Variants in EDEM1 observed in about 807,000 individuals in gnomAD.
EDEM1 encodes the protein ER degradation enhancing alpha-mannosidase like protein 1.
A neutral mutation model predicts 74.4 loss-of-function variants in EDEM1; 67 were observed. The ratio of observed to expected loss-of-function variants is 0.90; its 90% CI spans 0.74 to 1.10. The LOEUF is 1.10. Ranked by LOEUF, EDEM1 falls within the 50% of genes least tolerant of loss-of-function variation. EDEM1 has a pLI of 0.00. For missense variants in EDEM1, 926 were observed against 851.6 expected, an observed-to-expected ratio of 1.09 and a Z score of -1.09; for synonymous variants, 382 against 335.9, an observed-to-expected ratio of 1.14 and a Z score of -1.50.
rs1362214255 is a variant in EDEM1, at chr3:5,203,103, A to G, written c.996A>G (p.Ala332=). 1 of 1,609,116 alleles carries G rather than the reference A, an allele frequency of 6.2e-7. No homozygotes were observed. Among genetic ancestry groups the G allele is most frequent in the Non-Finnish European group, 8.5e-7 (1 of 1,177,892 alleles). The change falls in exon 5 of 12, where the codon GCA becomes GCG. Residue 332 remains alanine, a synonymous_variant. Coordinates refer to ENST00000256497, the MANE Select transcript of EDEM1 (RefSeq NM_014674.3). ...DSTFEWVARR[A]VKALWNLRSN... is the part of the protein sequence containing the mutation. ...CATTTGAGTGGGTGGCCAGACGAGCAGTGAAAGCCCTTTGGAACCTCCGGA... is the reference window on the plus strand; with the variant it reads ...CATTTGAGTGGGTGGCCAGACGAGCGGTGAAAGCCCTTTGGAACCTCCGGA...
At chr3:5,206,978 C>G (rs975001364) in intron 6 of EDEM1, among the ~76,000 whole-genome samples, 175 bp from the exon 7 acceptor site, 5 of 152,204 alleles carry the variant, frequency 3.3e-5, no homozygotes, top group Non-Finnish European at 4.4e-5. Flanking sequence ...TTATCTTCTG[C>G]TAGAGTCTAA....
chr3:5,202,860 C>T (rs1217349677), intron 4 of EDEM1, 106 bp from the exon 5 acceptor site: 7 of 944,506 alleles, frequency 7.4e-6, no homozygotes, highest in South Asian at 3.2e-5. Context: ...AGACTCTCAC[C>T]GTGGTAAGCT....
At position 5,219,731 on chromosome 3, in the gene EDEM1, G is replaced by T. The variant is rs2055290807; in HGVS notation, c.*3813G>T. On this transcript the variant is annotated 3_prime_UTR_variant, in exon 12 of 12. Coordinates refer to ENST00000256497, the MANE Select transcript of EDEM1 (RefSeq NM_014674.3). ...AAAAGTATAGAGTTGGAAACTCTGG[G>T]AAAACTTACGGAAATACACAAATGC... 1 of 152,600 alleles carries T rather than the reference G, an allele frequency of 6.6e-6. No homozygotes were observed. The allele number at this position is 152,600 out of a possible 1,614,324, so 9.5% of individuals were successfully genotyped here. A position where few individuals can be genotyped will look rare whatever the true frequency, so the allele number is the denominator to read the frequency against.
chr3:5,201,689 AATTGG>A, intron 3 of EDEM1, 59 bp from the exon 4 acceptor site: 1 of 1,583,892 alleles, frequency 6.3e-7, no homozygotes, highest in Non-Finnish European at 8.6e-7. Flanking sequence ...TATCTTTCTG[AATTGG>A]ATTATGTGCA....
chr3:5,198,838 C>G (rs1372968133), intron 2 of EDEM1, among the ~76,000 whole-genome samples: 1 of 151,988 alleles, frequency 6.6e-6, no homozygotes, highest in Non-Finnish European at 1.5e-5. Context: ...ATTATAGTCT[C>G]AGGGTTGTCA....
chr3:5,199,940 CTTT>C (rs746855500), intron 3 of EDEM1, among the ~76,000 whole-genome samples: 5 of 135,364 alleles, frequency 3.7e-5, no homozygotes, highest in Non-Finnish European at 4.8e-5. Flanking sequence ...AGATTAAACT[CTTT>C]TTTTTTTTTT....
intron 3 of EDEM1, among the ~76,000 whole-genome samples, 189 bp from the exon 4 acceptor site, chr3:5,201,564 G>A (rs1285070618): frequency 2.0e-5 from 3 of 152,084 alleles, no homozygotes; most frequent in Non-Finnish European, 4.4e-5. Context: ...TTAGTAATAT[G>A]GTTAACAAAA....
intron 1 of EDEM1, among the ~76,000 whole-genome samples, chr3:5,191,778 A>G (rs2054905172): frequency 6.6e-6 from 1 of 152,188 alleles, no homozygotes; most frequent in African/African-American, 2.4e-5. Flanking sequence ...CTCTAAAAAG[A>G]GCAGATCTGT....
At chr3:5,211,082 G>A in intron 9 of EDEM1, 38 bp from the exon 10 acceptor site, 1 of 1,587,830 alleles carries the variant, frequency 6.3e-7, no homozygotes, top group Non-Finnish European at 8.6e-7. Flanking sequence ...CAGGTGGGAA[G>A]GAAGAGAGGC....
At chr3:5,195,649 G>T (rs1284369111) in intron 2 of EDEM1, among the ~76,000 whole-genome samples, 2 of 152,284 alleles carry the variant, frequency 1.3e-5, no homozygotes, top group Non-Finnish European at 1.5e-5. Context: ...GGGTTGGCAG[G>T]TACCCTGAAA....
intron 1 of EDEM1, among the ~76,000 whole-genome samples, chr3:5,193,815 C>T (rs1049602963): frequency 4.6e-5 from 7 of 152,334 alleles, no homozygotes; most frequent in African/African-American, 1.4e-4. Flanking sequence ...CCAGGCTGGT[C>T]TTGAACTCCT....
At chr3:5,208,888 GGTATTTATACTTCTGT>G (rs1295024763) in intron 8 of EDEM1, among the ~76,000 whole-genome samples, 1 of 152,036 alleles carries the variant, frequency 6.6e-6, no homozygotes, top group Admixed American at 6.6e-5. Context: ...GTTGAAGCCA[GGTATTTATACTTCTGT>G]GTATGCCATA....
intron 8 of EDEM1, among the ~76,000 whole-genome samples, chr3:5,208,666 A>T (rs557750503): frequency 6.6e-6 from 1 of 152,200 alleles, no homozygotes; most frequent in South Asian, 2.1e-4. Flanking sequence ...TCAGACAAAA[A>T]GAAAATTCAT....
At chr3:5,209,954 C>T (rs2055148672) in intron 8 of EDEM1, among the ~76,000 whole-genome samples, 1 of 152,242 alleles carries the variant, frequency 6.6e-6, no homozygotes, top group South Asian at 2.1e-4. Flanking sequence ...GGTCTTACCC[C>T]TGGCTAAAGT....
chr3:5,216,110 C>A lies in EDEM1; in HGVS notation c.*192C>A. On this transcript the variant is annotated 3_prime_UTR_variant, in exon 12 of 12. Transcript: ENST00000256497. ...TGTTTCTCTCCTGTTCAATAAAATG[C>A]CCTGTTAAGGATATAATTTGAAGTG... The A allele has an allele frequency of 1.8e-6, 1 of 545,740 alleles. No individual in the cohort carries two copies. The highest frequency in any genetic ancestry group is 3.2e-6 in the Non-Finnish European group (1 of 314,376). The allele number at this position is 545,740 out of a possible 1,614,324, so 33.8% of individuals were successfully genotyped here.
intron 3 of EDEM1, 46 bp downstream of exon 3, chr3:5,199,741 T>G: frequency 6.5e-7 from 1 of 1,539,932 alleles, no homozygotes; most frequent in East Asian, 2.3e-5. Context: ...CTTCTTTTTA[T>G]GTGTTTAAAG....
chr3:5,207,310 A>T (rs1306022100), intron 7 of EDEM1, 37 bp downstream of exon 7: 5 of 1,610,718 alleles, frequency 3.1e-6, no homozygotes, highest in Non-Finnish European at 8.5e-7. Flanking sequence ...ATAACCAATC[A>T]CCAGAAAGGG....
At chr3:5,190,107 TATC>T (rs2054883788) in intron 1 of EDEM1, among the ~76,000 whole-genome samples, 1 of 152,110 alleles carries the variant, frequency 6.6e-6, no homozygotes, top group Non-Finnish European at 1.5e-5. Context: ...GTTTGAAAAA[TATC>T]ATAAAATCCC....
chr3:5,215,595 G>A (rs994370312), intron 11 of EDEM1, among the ~76,000 whole-genome samples: 12 of 152,176 alleles, frequency 7.9e-5, no homozygotes, highest in South Asian at 2.1e-4. Context: ...TTGGAACAGC[G>A]TCTGGAGACG....
Sources: allele counts gnomAD v4.1 joint callset (sites outside exome capture counted in the v4.1 genomes callset), GRCh38; gene constraint gnomAD v4.1.1; transcripts MANE v1.5; gene names NCBI Gene and HGNC (gene_info 2026-07-23, HGNC 2026-07-21).